RPTOR: variants seen among roughly 807,000 people sequenced by gnomAD.
RPTOR encodes the protein regulatory associated protein of MTOR complex 1.
RPTOR carries 21 observed loss-of-function variants against 169.9 expected under a neutral mutation model. The ratio of observed to expected loss-of-function variants is 0.12; its 90% CI spans 0.09 to 0.18. The LOEUF is 0.18. Among genes scored for constraint, RPTOR ranks in the 10% least tolerant of loss-of-function variants. RPTOR has a pLI of 1.00. For synonymous variants in RPTOR, 732 were observed against 753.2 expected, an observed-to-expected ratio of 0.97 and a Z score of 0.46; for missense variants, 1,133 against 1,855.9, an observed-to-expected ratio of 0.61 and a Z score of 7.16.
intron 10 of RPTOR, among the ~76,000 whole-genome samples, chr17:80,839,571 G>T (rs949414639): frequency 0.013 from 32 of 2,506 alleles, no homozygotes; most frequent in African/African-American, 0.062. Context: ...CACAAACCTT[G>T]GGGGGCAATG....
chr17:80,562,392 G>T lies in RPTOR; in HGVS notation c.162+16601G>T, dbSNP rs926145284. On this transcript the variant is annotated intron_variant, in intron 1 of 33. Coordinates refer to ENST00000306801, the MANE Select transcript of RPTOR (RefSeq NM_020761.3). The surrounding 1 kb of genome is among the most constrained non-coding windows in gnomAD (Gnocchi z 4.4). ...TACCCCTGCTTCCCCTCACTCCCCT[G>T]CTTGGGGGCTGGGTGGTCATGACAG... is the stretch of plus-strand genomic sequence containing the variant. 1.3e-5 allele frequency among the ~76,000 whole-genome samples: 2 copies of T among 152,136 alleles called. No individual in the cohort carries two copies.
chr17:80,833,021 C>T (rs1244186823), intron 9 of RPTOR, among the ~76,000 whole-genome samples: 6 of 152,156 alleles, frequency 3.9e-5, no homozygotes, highest in Non-Finnish European at 7.3e-5. Context: ...GCAAAGTCAC[C>T]GGGGAGTCAT....
At chr17:80,775,865 G>A (rs574365088) in intron 6 of RPTOR, among the ~76,000 whole-genome samples, 26 of 152,196 alleles carry the variant, frequency 1.7e-4, no homozygotes, top group African/African-American at 6.3e-4. Context: ...TACTTACTTG[G>A]AATTAAATAT....
At chr17:80,950,743 G>T (rs953049382) in intron 28 of RPTOR, among the ~76,000 whole-genome samples, 9 of 152,140 alleles carry the variant, frequency 5.9e-5, no homozygotes, top group Non-Finnish European at 1.2e-4. Context: ...TGGCCAGCCT[G>T]GGGGTCAGGC....
At chr17:80,884,111 T>C in intron 16 of RPTOR, 139 bp downstream of exon 16, 1 of 839,232 alleles carries the variant, frequency 1.2e-6, no homozygotes, top group Non-Finnish European at 1.8e-6. Flanking sequence ...AGTAGGACAG[T>C]GGGACCTTGG....
intron 1 of RPTOR, among the ~76,000 whole-genome samples, chr17:80,586,750 C>T (rs1452639109): frequency 6.6e-6 from 1 of 152,214 alleles, no homozygotes; most frequent in East Asian, 1.9e-4. Flanking sequence ...AAGTCTGTCC[C>T]GAGTTTGAAT....
chr17:80,863,278 C>G (rs927206967), intron 13 of RPTOR, among the ~76,000 whole-genome samples: 8 of 152,154 alleles, frequency 5.3e-5, no homozygotes, highest in African/African-American at 4.8e-5. Flanking sequence ...TCCCAGGACT[C>G]TGATCCCAGA....
chr17:80,800,167 C>A (rs557032940), intron 7 of RPTOR, among the ~76,000 whole-genome samples: 16 of 152,308 alleles, frequency 1.1e-4, no homozygotes, highest in Non-Finnish European at 2.1e-4. Flanking sequence ...GCCTCCTCAC[C>A]AGCTCAATGG....
At chr17:80,951,744 G>A (rs781426645) in intron 28 of RPTOR, among the ~76,000 whole-genome samples, 20 of 152,328 alleles carry the variant, frequency 1.3e-4, no homozygotes, top group African/African-American at 7.2e-5. Context: ...CAGGACGCTC[G>A]GGCCGAGGGA....
In RPTOR at chr17:80,771,863, C is replaced by A. The variant is rs930969340; in HGVS notation, c.830+17678C>A. Among the ~76,000 whole-genome samples, 22 of 152,332 alleles carry A rather than the reference C, an allele frequency of 1.4e-4. No individual in the cohort carries two copies. The South Asian group carries it at 1.9e-3, about 13-fold the overall frequency. The stretch of plus-strand genomic sequence containing the variant: ...TGCCCGTCTTCTCGCTCGGGCACCC[C>A]AGCTGGTGCGTAGCGAGGCAGTCAC... On this transcript the variant is annotated intron_variant, in intron 6 of 33. Coordinates refer to ENST00000306801, the MANE Select transcript of RPTOR (RefSeq NM_020761.3).
At chr17:80,744,305 A>T (rs200259698) in intron 5 of RPTOR, among the ~76,000 whole-genome samples, 4 of 56,306 alleles carry the variant, frequency 7.1e-5, no homozygotes, top group Non-Finnish European at 1.2e-4. Flanking sequence ...CTACTAGCAC[A>T]GCCCTGGTTA....
chr17:80,654,381 G>A (rs903384332), intron 3 of RPTOR, among the ~76,000 whole-genome samples: 6 of 152,192 alleles, frequency 3.9e-5, no homozygotes, highest in African/African-American at 9.7e-5. Context: ...GTGGGCTCTC[G>A]GCCCAGCACG....
intron 21 of RPTOR, among the ~76,000 whole-genome samples, chr17:80,911,714 G>A (rs1035379531): frequency 6.6e-6 from 1 of 152,214 alleles, no homozygotes; most frequent in Non-Finnish European, 1.5e-5. Context: ...GAGCCCAGGA[G>A]CTCAAGGCTG....
At chr17:80,903,323 G>A (rs1052334507) in intron 20 of RPTOR, among the ~76,000 whole-genome samples, 6 of 152,146 alleles carry the variant, frequency 3.9e-5, no homozygotes, top group East Asian at 1.9e-4. Context: ...CCTCTACTTC[G>A]TTCCGAATCT....
At chr17:80,650,385 C>T (rs2143618142) in intron 3 of RPTOR, among the ~76,000 whole-genome samples, 1 of 152,350 alleles carries the variant, frequency 6.6e-6, no homozygotes, top group Middle Eastern at 3.4e-3. Context: ...CTCCCTTCTG[C>T]CTCGTAGGTC....
At chr17:80,891,008 A>T (rs2143865456) in intron 17 of RPTOR, among the ~76,000 whole-genome samples, 1 of 152,198 alleles carries the variant, frequency 6.6e-6, no homozygotes, top group South Asian at 2.1e-4. Flanking sequence ...AGGCAGAAAA[A>T]GTTGTCGTAG....
intron 6 of RPTOR, among the ~76,000 whole-genome samples, chr17:80,784,134 G>A (rs1468987383): frequency 6.6e-6 from 1 of 151,678 alleles, no homozygotes; most frequent in Non-Finnish European, 1.5e-5. Flanking sequence ...TAACTTATTT[G>A]TGGAGATGGG....
chr17:80,686,497 C>T (rs530954737), intron 3 of RPTOR, among the ~76,000 whole-genome samples: 9 of 151,982 alleles, frequency 5.9e-5, no homozygotes, highest in African/African-American at 1.9e-4. Flanking sequence ...GCAGTTCTAC[C>T]CTCACGACAA....
At chr17:80,855,234 T>G (rs1031252017) in intron 11 of RPTOR, among the ~76,000 whole-genome samples, 5 of 152,260 alleles carry the variant, frequency 3.3e-5, no homozygotes, top group Non-Finnish European at 7.3e-5. Context: ...TCTAGTATTT[T>G]CTACATTGAG....
Sources: allele counts gnomAD v4.1 joint callset (sites outside exome capture counted in the v4.1 genomes callset), GRCh38; gene constraint gnomAD v4.1.1; non-coding constraint Gnocchi (gnomAD v3.1); transcripts MANE v1.5; gene names NCBI Gene and HGNC (gene_info 2026-07-23, HGNC 2026-07-21).